SLC2A13: variants seen among roughly 807,000 people sequenced by gnomAD.
SLC2A13 encodes solute carrier family 2 member 13.
SLC2A13 carries 32 observed loss-of-function variants against 64.4 expected under a neutral mutation model. That is an observed-to-expected ratio of 0.50 (90% CI 0.37 to 0.67). SLC2A13 has a LOEUF of 0.67. Ranked by LOEUF, SLC2A13 falls within the 30% of genes least tolerant of loss-of-function variation. SLC2A13 has a pLI of 0.00. For missense variants in SLC2A13, 743 were observed against 829.2 expected (o/e 0.90, Z 1.28); for synonymous variants, 338 against 327.1 (o/e 1.03, Z -0.36).
chr12:39,913,677 A>G (rs1367238563), intron 4 of SLC2A13, among the ~76,000 whole-genome samples: 1 of 151,958 alleles, frequency 6.6e-6, no homozygotes, highest in Non-Finnish European at 1.5e-5. Context: ...GTTCATAAGA[A>G]TAATATATTA....
intron 3 of SLC2A13, among the ~76,000 whole-genome samples, chr12:39,965,197 C>A (rs1396472868): frequency 2.6e-5 from 4 of 152,038 alleles, no homozygotes; most frequent in Admixed American, 1.3e-4. Context: ...TTTTCTTTGC[C>A]CCAAAACATT....
At chr12:39,932,878 G>A (rs1045996208) in intron 4 of SLC2A13, among the ~76,000 whole-genome samples, 1 of 151,984 alleles carries the variant, frequency 6.6e-6, no homozygotes, top group African/African-American at 2.4e-5. Flanking sequence ...GGATAAAGGT[G>A]GGGGTGGGAT....
intron 3 of SLC2A13, among the ~76,000 whole-genome samples, chr12:39,952,989 A>AT (rs34505666): frequency 7.3e-5 from 11 of 151,674 alleles, no homozygotes; most frequent in Admixed American, 1.3e-4. Context: ...GTATATCATG[A>AT]TTTTTTTTTT....
chr12:39,887,308 G>C (rs1019280452), intron 4 of SLC2A13, among the ~76,000 whole-genome samples: 1 of 152,124 alleles, frequency 6.6e-6, no homozygotes, highest in African/African-American at 2.4e-5. Context: ...CAGATGGATG[G>C]GCAGCCAGTC....
chr12:39,836,226 C>T (rs1942999694), intron 6 of SLC2A13, among the ~76,000 whole-genome samples: 1 of 152,002 alleles, frequency 6.6e-6, no homozygotes. Flanking sequence ...GGAAATTAGA[C>T]AATAGCCAAT....
intron 7 of SLC2A13, among the ~76,000 whole-genome samples, chr12:39,769,662 T>A (rs192940870): frequency 6.6e-6 from 1 of 152,122 alleles, no homozygotes; most frequent in East Asian, 1.9e-4. Context: ...TCACGTTCCA[T>A]CAATATCTCT....
At chr12:39,931,757 T>C (rs1164344479) in intron 4 of SLC2A13, among the ~76,000 whole-genome samples, 2 of 152,118 alleles carry the variant, frequency 1.3e-5, no homozygotes, top group Non-Finnish European at 2.9e-5. Flanking sequence ...GAATGGACTC[T>C]GCAAAGCCTA....
chr12:40,093,589 T>A (rs754727719), intron 1 of SLC2A13, among the ~76,000 whole-genome samples: 14 of 152,122 alleles, frequency 9.2e-5, no homozygotes, highest in Non-Finnish European at 1.9e-4. Flanking sequence ...TGGTGGGAGC[T>A]GCAACTTTAA....
At chr12:39,948,058 A>G (rs1350483334) in intron 4 of SLC2A13, among the ~76,000 whole-genome samples, 1 of 152,190 alleles carries the variant, frequency 6.6e-6, no homozygotes, top group African/African-American at 2.4e-5. Flanking sequence ...TCTATGAGAT[A>G]CAGTGCAATG....
At chr12:40,088,899 A>G (rs1469679964) in intron 1 of SLC2A13, among the ~76,000 whole-genome samples, 2 of 152,232 alleles carry the variant, frequency 1.3e-5, no homozygotes, top group Non-Finnish European at 2.9e-5. Context: ...AATGTGTGGT[A>G]TGAAGGCAGC....
At chr12:39,922,942 C>T (rs1395909032) in intron 4 of SLC2A13, among the ~76,000 whole-genome samples, 1 of 152,190 alleles carries the variant, frequency 6.6e-6, no homozygotes, top group Non-Finnish European at 1.5e-5. Flanking sequence ...AGTCTTATCA[C>T]TGTCCTCAAA....
intron 7 of SLC2A13, among the ~76,000 whole-genome samples, chr12:39,800,395 A>G (rs1256994257): frequency 1.3e-5 from 2 of 151,498 alleles, no homozygotes; most frequent in Non-Finnish European, 2.9e-5. Context: ...AAACAAATTT[A>G]CAAGAAAAAA....
At chr12:39,834,674 G>GAACT (rs976597496) in intron 6 of SLC2A13, among the ~76,000 whole-genome samples, 44 of 151,962 alleles carry the variant, frequency 2.9e-4, no homozygotes, top group African/African-American at 9.9e-4. Context: ...CTCGGTGTGG[G>GAACT]AACTGTATTT....
At chr12:39,990,121 C>T (rs1355448344) in intron 3 of SLC2A13, among the ~76,000 whole-genome samples, 2 of 152,150 alleles carry the variant, frequency 1.3e-5, no homozygotes, top group Non-Finnish European at 1.5e-5. Context: ...CTAGTAACAC[C>T]TATGGCCATG....
chr12:39,911,691 A>T lies in SLC2A13; in HGVS notation c.1034+39566T>A, dbSNP rs183365516. Among the ~76,000 whole-genome samples, 15 of 152,160 alleles carry T rather than the reference A, an allele frequency of 9.9e-5. 1 individual carries two copies. Among genetic ancestry groups the T allele is most frequent in the African/African-American group, 3.6e-4 (15 of 41,450 alleles). ...TTTGCAGTGTTGGTGCCCTTCCCAG[A>T]CATAGGCTCTGAGAAGTTTCTGAGT... On this transcript the variant is annotated intron_variant, in intron 4 of 9. Transcript: ENST00000280871.
intron 9 of SLC2A13, among the ~76,000 whole-genome samples, chr12:39,764,207 C>G (rs184708749): frequency 6.6e-6 from 1 of 151,966 alleles, no homozygotes; most frequent in Admixed American, 6.6e-5. Context: ...TGGGAGATGT[C>G]TGAGTTGGGA....
At chr12:39,835,093 A>G (rs1376035688) in intron 6 of SLC2A13, among the ~76,000 whole-genome samples, 3 of 152,112 alleles carry the variant, frequency 2.0e-5, no homozygotes, top group Admixed American at 1.3e-4. Flanking sequence ...CACAAAGTCA[A>G]TGCTCATAAG....
In SLC2A13 at chr12:39,773,274, A is replaced by G. The variant is rs76112894; in HGVS notation, c.1446-8416T>C. On this transcript the variant is annotated intron_variant, in intron 7 of 9. Transcript: ENST00000280871. ...GGACAAAGCAGCAGAATTGCATGCA[A>G]TCAGGTGAAATATGTCTCATTTTGG... 2.4e-3 allele frequency among the ~76,000 whole-genome samples: 360 copies of G among 152,290 alleles called. 1 individual carries two copies. The highest frequency in any genetic ancestry group is 3.8e-3 in the Non-Finnish European group (260 of 68,010).
At chr12:39,934,887 G>GAAT (rs1030973855) in intron 4 of SLC2A13, among the ~76,000 whole-genome samples, 5 of 152,092 alleles carry the variant, frequency 3.3e-5, no homozygotes, top group Non-Finnish European at 7.3e-5. Flanking sequence ...TTCCTGCCAT[G>GAAT]AATGGCAGGT....
Sources: allele counts gnomAD v4.1 joint callset (sites outside exome capture counted in the v4.1 genomes callset), GRCh38; gene constraint gnomAD v4.1.1; transcripts MANE v1.5; gene names NCBI Gene and HGNC (gene_info 2026-07-23, HGNC 2026-07-21).